Variants in PCDHA7 observed in about 807,000 individuals in gnomAD.
PCDHA7 encodes protocadherin alpha-7.
PCDHA7 carries 37 observed loss-of-function variants against 57.2 expected under a neutral mutation model. The observed-to-expected ratio is 0.65, with a 90% CI of 0.50 to 0.85. The LOEUF (loss-of-function observed/expected upper bound fraction) is 0.85. Among genes scored for constraint, PCDHA7 ranks in the 40% least tolerant of loss-of-function variants. The probability of loss-of-function intolerance (pLI) is 0.00; values close to 1 mark genes in which losing one functional copy is unlikely to be tolerated. For missense variants in PCDHA7, 1,188 were observed against 1,241.8 expected, an observed-to-expected ratio of 0.96 and a Z score of 0.65; for synonymous variants, 553 against 558.8, an observed-to-expected ratio of 0.99 and a Z score of 0.15.
rs2150325780 is a variant in PCDHA7 at position 140,841,933 on chromosome 5, C to A, written c.2355+5195C>A. 1.5e-5 allele frequency: 24 copies of A among 1,613,740 alleles called. 1 individual carries two copies. Among genetic ancestry groups the A allele is most frequent in the South Asian group, 4.4e-5 (4 of 91,086 alleles). ...TAAGAAAATCCTTGGACAGAGAGGA[C>A]GCTCCTGCGCACCACTTATTCCTGA... On this transcript the variant is annotated intron_variant, in intron 1 of 3. Transcript: ENST00000525929.
Position 140,843,712 on chromosome 5 carries a change from C to G in PCDHA7, c.2355+6974C>G. ...AAGATTTAAATGTTGATCATGGCCT[C>G]AAAGTAAGTCCATTTAAATTTAGAA... On this transcript the variant is annotated intron_variant, in intron 1 of 3. Transcript: ENST00000525929. 3.2e-6 allele frequency: 5 copies of G among 1,569,886 alleles called. 1 individual carries two copies. Among genetic ancestry groups the G allele is most frequent in the Non-Finnish European group, 4.4e-6 (5 of 1,144,038 alleles).
In PCDHA7 at chr5:140,883,821, A is replaced by G. The variant is rs376667172; in HGVS notation, c.2355+47083A>G. 3 of 1,612,334 alleles carry G rather than the reference A, an allele frequency of 1.9e-6. No homozygotes were observed. Among genetic ancestry groups the G allele is most frequent in the Non-Finnish European group, 2.5e-6 (3 of 1,179,764 alleles). The stretch of plus-strand genomic sequence containing the variant: ...GTGCACGCGGAGAGCGGCAAGGTGT[A>G]CGCGCTGCAGCCGTTGGACCACGAG... On this transcript the variant is annotated intron_variant, in intron 1 of 3. Coordinates refer to ENST00000525929, the MANE Select transcript of PCDHA7 (RefSeq NM_018910.3).
At position 140,850,653 on chromosome 5, in the gene PCDHA7, G is replaced by T. The variant is rs1472245010; in HGVS notation, c.2355+13915G>T. The T allele has an allele frequency of 2.5e-6, 4 of 1,598,606 alleles. No homozygotes were observed. The African/African-American group carries it at 4.0e-5, about 16-fold the overall frequency. On this transcript the variant is annotated intron_variant, in intron 1 of 3. Transcript: ENST00000525929. Reference sequence around the variant, plus strand: ...GGTTCTCACGCTGCTGCTGTACACTGTGCTGCGGTGCTCGGCGATGCCCAC... The same window carrying T: ...GGTTCTCACGCTGCTGCTGTACACTTTGCTGCGGTGCTCGGCGATGCCCAC...
chr5:140,983,526 A>G (rs1421450953), intron 3 of PCDHA7, among the ~76,000 whole-genome samples: 3 of 152,230 alleles, frequency 2.0e-5, no homozygotes, highest in Admixed American at 2.0e-4. Flanking sequence ...TGCCAAGTAC[A>G]TTGTATGTGT....
In PCDHA7 at chr5:140,969,369, C is replaced by A. The variant is rs782020561; in HGVS notation, c.2356-9580C>A. The A allele has an allele frequency of 1.3e-5, 21 of 1,607,718 alleles. 2 individuals carry two copies. In the South Asian group the frequency reaches 2.3e-4, roughly 18 times the overall value. ...TCAGGGGGTCTTCTACAAACTCATG[C>A]ATTTGTTACACATCCCCCAATATCC... is the stretch of plus-strand genomic sequence containing the variant. On this transcript the variant is annotated intron_variant, in intron 1 of 3. Transcript: ENST00000525929.
At chr5:140,888,624 C>T (rs2061910720) in intron 1 of PCDHA7, among the ~76,000 whole-genome samples, 1 of 152,198 alleles carries the variant, frequency 6.6e-6, no homozygotes, top group Non-Finnish European at 1.5e-5. Flanking sequence ...CTAATTCGGC[C>T]TTCTATTACA....
intron 3 of PCDHA7, among the ~76,000 whole-genome samples, chr5:140,989,272 T>C (rs1554250681): frequency 6.6e-6 from 1 of 152,204 alleles, no homozygotes. Flanking sequence ...AAGTTTCTGC[T>C]GGGGACATCT....
In PCDHA7 at chr5:140,857,667, G is replaced by A. The variant is rs375722457; in HGVS notation, c.2355+20929G>A. 3.4e-5 allele frequency: 54 copies of A among 1,596,806 alleles called. 7 individuals are homozygous for A. The highest frequency in any genetic ancestry group is 4.5e-5 in the Non-Finnish European group (52 of 1,167,800). ...TTCCAGGTGAGCGCGCGCGATGGGGGCGTGCCGCCTCTGGGCAGCAACTTG... is the reference window on the plus strand; with the variant it reads ...TTCCAGGTGAGCGCGCGCGATGGGGACGTGCCGCCTCTGGGCAGCAACTTG... On this transcript the variant is annotated intron_variant, in intron 1 of 3. Coordinates refer to ENST00000525929, the MANE Select transcript of PCDHA7 (RefSeq NM_018910.3).
intron 1 of PCDHA7, among the ~76,000 whole-genome samples, chr5:140,905,387 G>T (rs1554192032): frequency 1.3e-5 from 2 of 152,138 alleles, no homozygotes; most frequent in African/African-American, 4.8e-5. Context: ...TGTTTCATAG[G>T]TCTGTGTGCC....
rs139576828 is a variant in PCDHA7 at position 140,850,837 on chromosome 5, G to T, written c.2355+14099G>T. 6 of 1,597,642 alleles carry T rather than the reference G, an allele frequency of 3.8e-6. No individual in the cohort carries two copies. In the African/African-American group the frequency reaches 8.1e-5, roughly 21 times the overall value. On this transcript the variant is annotated intron_variant, in intron 1 of 3. Transcript: ENST00000525929. The stretch of plus-strand genomic sequence containing the variant: ...AGCCCGGGCCTTTCTCCTTGTGCTG[G>T]ATCTACAGAGCGAACGGGAGAACCC...
chr5:140,928,642 G>C, intron 1 of PCDHA7: 1 of 1,614,232 alleles, frequency 6.2e-7, no homozygotes, highest in African/African-American at 1.3e-5. Flanking sequence ...CACAAAAGTG[G>C]TAGCAGAGGA....
In PCDHA7 at chr5:140,852,660, A is replaced by G. The variant is rs2150521293; in HGVS notation, c.2355+15922A>G. The G allele has an allele frequency of 3.6e-4, 348 of 965,166 alleles. 29 individuals carry two copies. The highest frequency in any genetic ancestry group is 4.1e-4 in the Non-Finnish European group (328 of 799,632). 59.8% of individuals were successfully genotyped at this position (965,166 alleles called of 1,614,324 possible). A position where few individuals can be genotyped will look rare whatever the true frequency, so the allele number is the denominator to read the frequency against. On this transcript the variant is annotated intron_variant, in intron 1 of 3. Coordinates refer to ENST00000525929, the MANE Select transcript of PCDHA7 (RefSeq NM_018910.3). Reference sequence around the variant, plus strand: ...TCATTAAACCTATCTATATCTGTCTATCAGCACAACTCACCTTGAATATAG... The same window carrying G: ...TCATTAAACCTATCTATATCTGTCTGTCAGCACAACTCACCTTGAATATAG...
intron 1 of PCDHA7, among the ~76,000 whole-genome samples, chr5:140,846,008 T>C (rs1253798347): frequency 1.3e-5 from 2 of 149,708 alleles, no homozygotes; most frequent in African/African-American, 2.4e-5. Context: ...ATGAAAAAAA[T>C]CTAAAAGTTA....
chr5:140,932,088 T>G (rs2088018403), intron 1 of PCDHA7, among the ~76,000 whole-genome samples: 1 of 151,932 alleles, frequency 6.6e-6, no homozygotes, highest in Non-Finnish European at 1.5e-5. Context: ...CAGGAAAACA[T>G]GGTTTTTATC....
Position 140,842,785 on chromosome 5 carries a change from G to C in PCDHA7, c.2355+6047G>C, listed in dbSNP as rs2150344223. On this transcript the variant is annotated intron_variant, in intron 1 of 3. Coordinates refer to ENST00000525929, the MANE Select transcript of PCDHA7 (RefSeq NM_018910.3). ...GAGACGCGGACGCGCAGGAGAACGC[G>C]CTGGTGTCCTACTCGCTTGTGGAGC... 6.5e-5 allele frequency: 103 copies of C among 1,594,472 alleles called. 8 individuals carry two copies. Among genetic ancestry groups the C allele is most frequent in the South Asian group, 4.4e-4 (40 of 90,456 alleles).
chr5:140,834,758 C>T lies in PCDHA7; in HGVS notation c.375C>T (p.Asp125=), dbSNP rs2150225679. The part of the protein sequence containing the change: ...QVFHVDVEVK[D]INDNPPVFPA... Reference sequence around the variant, plus strand: ...TCCATGTGGACGTGGAGGTGAAGGACATTAACGACAACCCTCCGGTGTTCC... The same window carrying T: ...TCCATGTGGACGTGGAGGTGAAGGATATTAACGACAACCCTCCGGTGTTCC... The change falls in exon 1 of 4, where the codon GAC becomes GAT. Residue 125 remains aspartate, a synonymous_variant. Transcript: ENST00000525929. 6.8e-6 allele frequency: 11 copies of T among 1,614,006 alleles called. No individual in the cohort carries two copies. The highest frequency in any genetic ancestry group is 8.5e-6 in the Non-Finnish European group (10 of 1,180,044).
chr5:140,922,950 T>G (rs928008081), intron 1 of PCDHA7, among the ~76,000 whole-genome samples: 6 of 152,208 alleles, frequency 3.9e-5, no homozygotes, highest in Non-Finnish European at 5.9e-5. Flanking sequence ...GGAAATCCAG[T>G]TTGTCTTCAG....
At chr5:140,887,130 T>C (rs1164233833) in intron 1 of PCDHA7, among the ~76,000 whole-genome samples, 1 of 151,716 alleles carries the variant, frequency 6.6e-6, no homozygotes, top group African/African-American at 2.4e-5. Context: ...GGAGTCTCAC[T>C]CTGTCGCCCA....
At chr5:140,849,557 G>T (rs2150440607) in intron 1 of PCDHA7, 4 of 1,598,482 alleles carry the variant, frequency 2.5e-6, no homozygotes, top group Non-Finnish European at 3.4e-6. Context: ...CTATCAAAAC[G>T]CTCTCGGTTC....
Sources: allele counts gnomAD v4.1 joint callset (sites outside exome capture counted in the v4.1 genomes callset), GRCh38; gene constraint gnomAD v4.1.1; transcripts MANE v1.5; gene names NCBI Gene and HGNC (gene_info 2026-07-23, HGNC 2026-07-21).